AOPEP: variants seen among roughly 807,000 people sequenced by gnomAD.
The protein encoded by AOPEP is aminopeptidase O.
A neutral mutation model predicts 98.1 loss-of-function variants in AOPEP; 77 were observed. The observed-to-expected ratio is 0.78, with a 90% CI of 0.65 to 0.95. The LOEUF is 0.95. Among genes scored for constraint, AOPEP ranks in the 40% least tolerant of loss-of-function variants. The pLI is 0.00. For missense variants in AOPEP, 1,024 were observed against 1,024.7 expected (o/e 1.00, Z 0.01); for synonymous variants, 346 against 365.3 (o/e 0.95, Z 0.60).
At chr9:94,928,400 T>A (rs1588934046) in intron 6 of AOPEP, 25 bp from the exon 7 acceptor site, 1 of 1,500,706 alleles carries the variant, frequency 6.7e-7, no homozygotes, top group Non-Finnish European at 9.0e-7. Flanking sequence ...TGTGCATGTG[T>A]GTCTGTGTGT....
intron 11 of AOPEP, among the ~76,000 whole-genome samples, chr9:95,001,242 A>C (rs1168712255): frequency 6.6e-6 from 1 of 152,236 alleles, no homozygotes; most frequent in Non-Finnish European, 1.5e-5. Flanking sequence ...GTAATCTCCA[A>C]TCAATCACGA....
At chr9:94,806,529 A>G (rs950819078) in intron 5 of AOPEP, among the ~76,000 whole-genome samples, 1 of 152,216 alleles carries the variant, frequency 6.6e-6, no homozygotes, top group African/African-American at 2.4e-5. Flanking sequence ...TGTGAGGCAC[A>G]TGCAAGGTGA....
intron 5 of AOPEP, among the ~76,000 whole-genome samples, chr9:94,818,492 A>G (rs1852195731): frequency 6.6e-6 from 1 of 152,184 alleles, no homozygotes; most frequent in African/African-American, 2.4e-5. Flanking sequence ...CATTGTACAC[A>G]TTGGAATTTC....
intron 10 of AOPEP, among the ~76,000 whole-genome samples, chr9:94,971,595 C>G (rs992073574): frequency 9.9e-5 from 15 of 152,198 alleles, no homozygotes; most frequent in Non-Finnish European, 2.2e-4. Flanking sequence ...GGCACGTGAA[C>G]TGTTCTGATG....
intron 3 of AOPEP, among the ~76,000 whole-genome samples, chr9:94,774,090 A>ACG (rs1841511480): frequency 1.3e-5 from 2 of 152,066 alleles, no homozygotes; most frequent in African/African-American, 4.8e-5. Context: ...TTCTTTATTT[A>ACG]AAATATGGCA....
downstream of AOPEP, among the ~76,000 whole-genome samples, chr9:95,089,751 G>A (rs1249571152): frequency 5.9e-5 from 9 of 152,228 alleles, no homozygotes; most frequent in African/African-American, 2.2e-4. Flanking sequence ...GTTAAGTGCT[G>A]TTTCCCAGCC....
intron 5 of AOPEP, among the ~76,000 whole-genome samples, chr9:94,861,205 A>G (rs1052291462): frequency 6.6e-6 from 1 of 152,206 alleles, no homozygotes; most frequent in Non-Finnish European, 1.5e-5. Context: ...AGGAGGCTTC[A>G]TGACGAAGGG....
chr9:95,085,041 T>C (rs1215013761), intron 16 of AOPEP, among the ~76,000 whole-genome samples: 2 of 152,238 alleles, frequency 1.3e-5, no homozygotes, highest in African/African-American at 4.8e-5. Context: ...TATGGTCATC[T>C]CTGGAGTCCC....
Position 95,005,617 on chromosome 9 carries a change from G to T in AOPEP, c.2115+1G>T. On this transcript the variant is annotated splice_donor_variant, in intron 13 of 16. Coordinates refer to ENST00000375315, the MANE Select transcript of AOPEP (RefSeq NM_001193329.3). LOFTEE classifies it high-confidence loss of function. ...GGAGAAGGAAGAGGTGTTTGAAAAG[G>T]TAGGGGTTCCCGAGACGGTACTCGG... 5 of 1,613,852 alleles carry T rather than the reference G, an allele frequency of 3.1e-6. No homozygotes were observed. The highest frequency in any genetic ancestry group is 4.2e-6 in the Non-Finnish European group (5 of 1,179,770).
chr9:95,115,765 G>A, the AOPEP span, among the ~76,000 whole-genome samples: 4 of 152,192 alleles, frequency 2.6e-5, no homozygotes, highest in Admixed American at 2.6e-4. Flanking sequence ...GGCCCTTGGT[G>A]CACAGCCTTT....
At chr9:94,751,222 T>C (rs1202266091) in intron 1 of AOPEP, among the ~76,000 whole-genome samples, 1 of 152,154 alleles carries the variant, frequency 6.6e-6, no homozygotes, top group Non-Finnish European at 1.5e-5. Context: ...AGCTTTTTGC[T>C]CACTCTCATG....
At chr9:94,837,635 A>G (rs1282592848) in intron 5 of AOPEP, among the ~76,000 whole-genome samples, 1 of 152,262 alleles carries the variant, frequency 6.6e-6, no homozygotes, top group Non-Finnish European at 1.5e-5. Flanking sequence ...GATACACTAT[A>G]TAAACAGAAT....
intron 4 of AOPEP, among the ~76,000 whole-genome samples, chr9:94,793,235 C>T (rs7465900): frequency 0.012 from 1,812 of 151,958 alleles, 20 homozygotes; most frequent in South Asian, 0.044. Context: ...GGCGTCCCAG[C>T]GACTCGGGAG....
chr9:95,140,670 G>A, the AOPEP span, among the ~76,000 whole-genome samples: 2 of 152,136 alleles, frequency 1.3e-5, no homozygotes, highest in Non-Finnish European at 2.9e-5. Context: ...AAGAGATCAA[G>A]GCTGTTTGGG....
intron 13 of AOPEP, among the ~76,000 whole-genome samples, chr9:95,030,727 CAG>C (rs1291391922): frequency 1.3e-5 from 2 of 152,196 alleles, no homozygotes; most frequent in South Asian, 2.1e-4. Context: ...TTCAGAATCT[CAG>C]GGGACACTGC....
At chr9:94,842,822 G>GT (rs1414218893) in intron 5 of AOPEP, among the ~76,000 whole-genome samples, 1 of 152,008 alleles carries the variant, frequency 6.6e-6, no homozygotes, top group African/African-American at 2.4e-5. Context: ...AAAACATTAT[G>GT]TTTTTTCCTT....
the AOPEP span, chr9:95,099,443 G>A: frequency 4.9e-5 from 11 of 225,982 alleles, no homozygotes; most frequent in East Asian, 3.7e-4. Flanking sequence ...CCGCGTCCCC[G>A]CCCAGCATCT....
chr9:95,150,221 A>C, the AOPEP span: 1 of 802,088 alleles, frequency 1.2e-6, no homozygotes, highest in Non-Finnish European at 2.1e-6. Flanking sequence ...TGACTCTAAC[A>C]CCATCGATGA....
At chr9:95,090,667 C>T (rs1175482295), downstream of AOPEP, among the ~76,000 whole-genome samples, 1 of 152,146 alleles carries the variant, frequency 6.6e-6, no homozygotes, top group Non-Finnish European at 1.5e-5. Context: ...GTTGAAGGGA[C>T]AGGAGGACCT....
Sources: allele counts gnomAD v4.1 joint callset (sites outside exome capture counted in the v4.1 genomes callset), GRCh38; gene constraint gnomAD v4.1.1; transcripts MANE v1.5; gene names NCBI Gene and HGNC (gene_info 2026-07-23, HGNC 2026-07-21).